UNC5D: variants seen among roughly 807,000 people sequenced by gnomAD.
UNC5D encodes the protein unc-5 netrin receptor D.
In UNC5D, 39 loss-of-function variants were observed where a neutral mutation model predicts 105.4. The ratio of observed to expected loss-of-function variants is 0.37; its 90% CI spans 0.29 to 0.48. UNC5D has a LOEUF of 0.48. UNC5D is among the 20% of genes least tolerant of loss of function. The pLI is 0.98. For synonymous variants in UNC5D, 452 were observed against 450.4 expected, an observed-to-expected ratio of 1.00 and a Z score of -0.04; for missense variants, 991 against 1,202.4, an observed-to-expected ratio of 0.82 and a Z score of 2.60.
chr8:35,469,195 G>A (rs1397591486), intron 1 of UNC5D, among the ~76,000 whole-genome samples: 2 of 152,154 alleles, frequency 1.3e-5, no homozygotes, highest in Non-Finnish European at 2.9e-5. Flanking sequence ...TTATCAGGAG[G>A]AAGTATACTT....
intron 1 of UNC5D, among the ~76,000 whole-genome samples, chr8:35,355,429 A>G (rs1801492253): frequency 6.6e-6 from 1 of 151,936 alleles, no homozygotes; most frequent in Admixed American, 6.6e-5. Flanking sequence ...TCTGTTCTTC[A>G]TTTTCCCCCT....
chr8:35,588,636 T>G (rs79768714), intron 3 of UNC5D, among the ~76,000 whole-genome samples: 1,960 of 152,278 alleles, frequency 0.013, 38 homozygotes, highest in African/African-American at 0.044. Context: ...GCAGTCTGTG[T>G]CATGTTCAGT....
At chr8:35,719,139 T>TACACACAC (rs1281900246) in intron 8 of UNC5D, among the ~76,000 whole-genome samples, 1 of 67,248 alleles carries the variant, frequency 1.5e-5, no homozygotes, top group East Asian at 5.3e-4. Context: ...CACATGTGCT[T>TACACACAC]ATACACACAC....
rs955411536 is a variant in UNC5D at position 35,790,986 on chromosome 8, G to A, written c.*423G>A. The stretch of plus-strand genomic sequence containing the variant: ...AGATTGTCAGAGTTTTCTACCAACT[G>A]GCATCTGTGATGTCAGAGATCATTG... On this transcript the variant is annotated 3_prime_UTR_variant, in exon 17 of 17. Transcript: ENST00000404895. 6 of 193,516 alleles carry A rather than the reference G, an allele frequency of 3.1e-5. No individual in the cohort carries two copies. Among genetic ancestry groups the A allele is most frequent in the African/African-American group, 1.2e-4 (5 of 43,004 alleles). 12.0% of individuals were successfully genotyped at this position (193,516 alleles called of 1,614,324 possible). A position where few individuals can be genotyped will look rare whatever the true frequency, so the allele number is the denominator to read the frequency against.
At chr8:35,617,938 A>T (rs72634956) in intron 4 of UNC5D, among the ~76,000 whole-genome samples, 49 of 152,300 alleles carry the variant, frequency 3.2e-4, no homozygotes, top group Non-Finnish European at 6.3e-4. Context: ...CTCTCTATAG[A>T]TGCATTTATT....
At chr8:35,366,521 G>A (rs1441157266) in intron 1 of UNC5D, among the ~76,000 whole-genome samples, 1 of 152,044 alleles carries the variant, frequency 6.6e-6, no homozygotes, top group Non-Finnish European at 1.5e-5. Flanking sequence ...AGCTCATCTA[G>A]CAAACTGTCC....
chr8:35,318,834 C>CA (rs1348824775), intron 1 of UNC5D, among the ~76,000 whole-genome samples: 1 of 151,854 alleles, frequency 6.6e-6, no homozygotes, highest in Non-Finnish European at 1.5e-5. Flanking sequence ...GATAATGAGG[C>CA]AAAAAATATG....
chr8:35,631,164 T>C (rs1822014512), intron 4 of UNC5D, among the ~76,000 whole-genome samples: 1 of 151,994 alleles, frequency 6.6e-6, no homozygotes, highest in Non-Finnish European at 1.5e-5. Context: ...ATACAAATAA[T>C]TAACTGGACA....
At position 35,235,680 on chromosome 8, in the gene UNC5D, T is replaced by C; in HGVS notation, c.-105T>C. 1.2e-6 allele frequency: 1 copy of C among 860,222 alleles called. No individual in the cohort carries two copies. Among genetic ancestry groups the C allele is most frequent in the Non-Finnish European group, 1.5e-6 (1 of 650,498 alleles). The allele number at this position is 860,222 out of a possible 1,614,324, so 53.3% of individuals were successfully genotyped here. On this transcript the variant is annotated 5_prime_UTR_variant, in exon 1 of 17. Transcript: ENST00000404895. ...AAGCGATCGTGGAGCAGAGTCACTCTCTGAAGACTCCCGAGACCCATTCGA... is the reference window on the plus strand; with the variant it reads ...AAGCGATCGTGGAGCAGAGTCACTCCCTGAAGACTCCCGAGACCCATTCGA...
intron 3 of UNC5D, among the ~76,000 whole-genome samples, chr8:35,578,814 G>A (rs1818281442): frequency 6.6e-6 from 1 of 152,210 alleles, no homozygotes; most frequent in African/African-American, 2.4e-5. Context: ...ACACCAAGAC[G>A]GGAACCACTA....
At chr8:35,408,754 G>A (rs367884995) in intron 1 of UNC5D, among the ~76,000 whole-genome samples, 36 of 151,082 alleles carry the variant, frequency 2.4e-4, no homozygotes, top group African/African-American at 8.0e-4. Flanking sequence ...TGGGTACATA[G>A]AGATTAAAAA....
chr8:35,653,153 C>T (rs554191723), intron 4 of UNC5D, among the ~76,000 whole-genome samples: 1 of 152,132 alleles, frequency 6.6e-6, no homozygotes, highest in East Asian at 1.9e-4. Flanking sequence ...TAGTCTCGAT[C>T]TCTTGACCTC....
At chr8:35,708,519 T>C (rs2131467130) in intron 8 of UNC5D, among the ~76,000 whole-genome samples, 1 of 152,066 alleles carries the variant, frequency 6.6e-6, no homozygotes, top group Non-Finnish European at 1.5e-5. Context: ...TGTCAGGAGG[T>C]GCGGTAAAAT....
chr8:35,638,549 C>T lies in UNC5D; in HGVS notation c.570+42892C>T, dbSNP rs549760979. ...GTGGCTCACACCTGTAATCCTAGTG[C>T]CTTAGGAGGCCAGGGAGGGAGGAAT... On this transcript the variant is annotated intron_variant, in intron 4 of 16. Transcript: ENST00000404895. 1.1e-4 allele frequency among the ~76,000 whole-genome samples: 16 copies of T among 151,892 alleles called. No homozygotes were observed. The South Asian group carries it at 3.3e-3, about 32-fold the overall frequency.
intron 1 of UNC5D, among the ~76,000 whole-genome samples, chr8:35,335,376 CATTGT>C (rs1585611556): frequency 6.6e-6 from 1 of 152,142 alleles, no homozygotes; most frequent in Non-Finnish European, 1.5e-5. Context: ...TAGCTTATGA[CATTGT>C]ATTAGTCCTT....
Position 35,567,830 on chromosome 8 carries a change from A to G in UNC5D, c.323-268A>G, listed in dbSNP as rs113883076. Among the ~76,000 whole-genome samples, 114 of 152,334 alleles carry G rather than the reference A, an allele frequency of 7.5e-4. 1 individual carries two copies. Among genetic ancestry groups the G allele is most frequent in the African/African-American group, 2.7e-3 (111 of 41,562 alleles). Reference sequence around the variant, plus strand: ...GAGGAATGTAGTACCAAAGAAAGACAAACAGCACTAAGTCAAGGTGCTGTG... The same window carrying G: ...GAGGAATGTAGTACCAAAGAAAGACGAACAGCACTAAGTCAAGGTGCTGTG... On this transcript the variant is annotated intron_variant, in intron 2 of 16. Coordinates refer to ENST00000404895, the MANE Select transcript of UNC5D (RefSeq NM_080872.4).
At position 35,683,708 on chromosome 8, in the gene UNC5D, G is replaced by A. The variant is rs780881731; in HGVS notation, c.732G>A (p.Ser244=). The A allele has an allele frequency of 2.6e-5, 41 of 1,551,382 alleles. 1 individual carries two copies. Among genetic ancestry groups the A allele is most frequent in the Middle Eastern group, 1.7e-4 (1 of 5,868 alleles). The change falls in exon 5 of 17, where the codon TCG becomes TCA. Residue 244 remains serine (S), a synonymous_variant. Coordinates refer to ENST00000404895, the MANE Select transcript of UNC5D (RefSeq NM_080872.4). Reference sequence around the variant, plus strand: ...TCGTGGCTAAGAGGAGAAGCCTGTCGGCCACTGTTGTGGTCTACGGTAAGA... The same window carrying A: ...TCGTGGCTAAGAGGAGAAGCCTGTCAGCCACTGTTGTGGTCTACGGTAAGA... The part of the protein sequence containing the change: ...ANIVAKRRSL[S]ATVVVYVNGG...
chr8:35,773,305 C>T (rs1802091620), intron 15 of UNC5D, among the ~76,000 whole-genome samples: 1 of 152,118 alleles, frequency 6.6e-6, no homozygotes, highest in African/African-American at 2.4e-5. Context: ...AAACCAGAAG[C>T]AGGTAGGCAG....
intron 3 of UNC5D, among the ~76,000 whole-genome samples, chr8:35,579,311 G>A (rs1321677071): frequency 6.6e-6 from 1 of 152,130 alleles, no homozygotes; most frequent in Admixed American, 6.5e-5. Flanking sequence ...ACTAACTAAG[G>A]TGTAACAGTA....
Sources: allele counts gnomAD v4.1 joint callset (sites outside exome capture counted in the v4.1 genomes callset), GRCh38; gene constraint gnomAD v4.1.1; transcripts MANE v1.5; gene names NCBI Gene and HGNC (gene_info 2026-07-23, HGNC 2026-07-21).